The following C2orf49 variants were observed in gnomAD, a reference collection of about 807,000 sequenced individuals.
The protein encoded by C2orf49 is tRNA-splicing ligase complex subunit ASW.
C2orf49 carries 11 observed loss-of-function variants against 20.6 expected under a neutral mutation model. The observed-to-expected ratio is 0.53, with a 90% CI of 0.34 to 0.88. The LOEUF (loss-of-function observed/expected upper bound fraction) is 0.88, where lower values mean the gene tolerates loss of function less well. Among genes scored for constraint, C2orf49 ranks in the 40% least tolerant of loss-of-function variants. C2orf49 has a pLI of 0.02. For synonymous variants in C2orf49, 134 were observed against 108.5 expected (o/e 1.24, Z -1.46); for missense variants, 289 against 274.2 (o/e 1.05, Z -0.38).
the C2orf49 span, among the ~76,000 whole-genome samples, chr2:105,366,944 T>A: frequency 8.8e-3 from 1,333 of 152,154 alleles, 18 homozygotes; most frequent in African/African-American, 0.03. Context: ...TGGAGTTTCA[T>A]CATGTTGCCC....
At chr2:105,368,980 A>T in the C2orf49 span, among the ~76,000 whole-genome samples, 1 of 152,214 alleles carries the variant, frequency 6.6e-6, no homozygotes, top group African/African-American at 2.4e-5. Context: ...CATTGTTTAC[A>T]TCCGCTTTTA....
At chr2:105,344,064 T>C (rs1480161483) in intron 3 of C2orf49, among the ~76,000 whole-genome samples, 5 of 152,204 alleles carry the variant, frequency 3.3e-5, no homozygotes, top group Non-Finnish European at 7.3e-5. Flanking sequence ...AGTTTTTTAC[T>C]TTTATTAGTT....
the C2orf49 span, chr2:105,361,464 G>A: frequency 6.3e-7 from 1 of 1,598,682 alleles, no homozygotes; most frequent in South Asian, 1.1e-5. Flanking sequence ...AATACCGGAT[G>A]AAGAAAGTTA....
At position 105,337,669 on chromosome 2, in the gene C2orf49, C is replaced by G. The variant is rs991080602; in HGVS notation, c.82C>G (p.Leu28Val). The G allele has an allele frequency of 7.0e-7, 1 of 1,418,924 alleles. No homozygotes were observed. Among genetic ancestry groups the G allele is most frequent in the Admixed American group, 1.9e-5 (1 of 52,948 alleles). The allele number at this position is 1,418,924 out of a possible 1,614,324, so 87.9% of individuals were successfully genotyped here. The change falls in exon 1 of 4, where the codon CTC becomes GTC. Residue 28 changes from leucine to valine, a missense_variant. Leu to Val is a conservative substitution (Grantham distance 32, BLOSUM62 1). Coordinates refer to ENST00000258457, the MANE Select transcript of C2orf49 (RefSeq NM_024093.3). ...HPELLSQEFLLLTLEQKNIAV... is the reference protein window; with the variant it reads ...HPELLSQEFLVLTLEQKNIAV... Reference sequence around the variant, plus strand: ...GGAGCTGCTGTCCCAGGAGTTCCTTCTCCTCACTCTGGAGCAGGTTGGGCG... The same window carrying G: ...GGAGCTGCTGTCCCAGGAGTTCCTTGTCCTCACTCTGGAGCAGGTTGGGCG...
At chr2:105,361,109 A>T in the C2orf49 span, 1 of 576,068 alleles carries the variant, frequency 1.7e-6, no homozygotes, top group Non-Finnish European at 2.9e-6. Context: ...TTTCCCTGGG[A>T]CTGAACTATC....
At position 105,342,901 on chromosome 2, in the gene C2orf49, G is replaced by A; in HGVS notation, c.320G>A (p.Ser107Asn). The part of the protein sequence containing the change: ...RKRPLIVFDG[S>N]STSTSIKVKK... ...AGACCCCTCATCGTATTTGATGGAA[G>A]TTCAACAAGTACAAGCATAAAAGTG... Residue 107 changes from serine to asparagine, a missense_variant, in exon 3 of 4, where the codon AGT becomes AAT. Physicochemically the swap from Ser to Asn is conservative, Grantham distance 46. Transcript: ENST00000258457. The A allele has an allele frequency of 6.2e-7, 1 of 1,614,156 alleles. No individual in the cohort carries two copies. The highest frequency in any genetic ancestry group is 1.1e-5 in the South Asian group (1 of 91,088).
rs781045521 is a variant in C2orf49 at position 105,343,051 on chromosome 2, A to G, written c.470A>G (p.Asn157Ser). 40 of 1,614,104 alleles carry G rather than the reference A, an allele frequency of 2.5e-5. 1 individual carries two copies. The highest frequency in any genetic ancestry group is 2.2e-5 in the East Asian group (1 of 44,896). ...SSVSPLILSSNLPVNNKTEHN... is the reference protein window; with the variant it reads ...SSVSPLILSSSLPVNNKTEHN... Reference sequence around the variant, plus strand: ...GTTTCACCCCTAATTTTGTCTTCCAATTTGCCTGTGAACAATAAAACGGAA... The same window carrying G: ...GTTTCACCCCTAATTTTGTCTTCCAGTTTGCCTGTGAACAATAAAACGGAA... The change falls in exon 3 of 4, where the codon AAT (asparagine) becomes AGT (serine). Residue 157 changes from asparagine to serine, a missense_variant. Asn to Ser is a conservative substitution (Grantham distance 46). Coordinates refer to ENST00000258457, the MANE Select transcript of C2orf49 (RefSeq NM_024093.3).
chr2:105,343,354 T>C (rs776205293), intron 3 of C2orf49, 131 bp downstream of exon 3: 8 of 802,588 alleles, frequency 1.0e-5, no homozygotes, highest in African/African-American at 1.7e-5. Context: ...GTCTGATTTG[T>C]ATAATACAAC....
Position 105,339,641 on chromosome 2 carries a change from A to G in C2orf49, c.158A>G (p.Tyr53Cys). ...RVNKDSLTDL[Y>C]VQHAIPLPQR... is the part of the protein sequence containing the mutation. ...AACAAAGACAGTCTTACTGACCTTT[A>G]TGTCCAACATGCAATACCATTGCCT... is the stretch of plus-strand genomic sequence containing the variant. The change falls in exon 2 of 4, where the codon TAT becomes TGT. Residue 53 changes from tyrosine (Y) to cysteine (C), a missense_variant. Physicochemically the swap from Tyr to Cys is radical, Grantham distance 194 (BLOSUM62 -2). Coordinates refer to ENST00000258457, the MANE Select transcript of C2orf49 (RefSeq NM_024093.3). The G allele has an allele frequency of 1.2e-6, 2 of 1,608,534 alleles. No homozygotes were observed. Among genetic ancestry groups the G allele is most frequent in the Non-Finnish European group, 1.7e-6 (2 of 1,178,930 alleles).
At chr2:105,344,841 C>A (rs773552577) in intron 3 of C2orf49, among the ~76,000 whole-genome samples, 9 of 151,966 alleles carry the variant, frequency 5.9e-5, no homozygotes, top group Admixed American at 2.6e-4. Context: ...CCACCTGACT[C>A]GGCTGGGATT....
chr2:105,377,859 T>G, the C2orf49 span: 1 of 360,948 alleles, frequency 2.8e-6, no homozygotes, highest in South Asian at 2.1e-5. Flanking sequence ...GGCCTCTCTC[T>G]GGGAAGATAG....
chr2:105,338,876 CA>C (rs1486483357), intron 1 of C2orf49, among the ~76,000 whole-genome samples: 2 of 152,168 alleles, frequency 1.3e-5, no homozygotes, highest in Non-Finnish European at 2.9e-5. Context: ...ACTCTGTCTT[CA>C]TGACTACTCC....
At chr2:105,384,744 T>C in the C2orf49 span, among the ~76,000 whole-genome samples, 7 of 152,332 alleles carry the variant, frequency 4.6e-5, no homozygotes, top group South Asian at 6.2e-4. Context: ...CCGGCCTCAA[T>C]TGATTCACCC....
At chr2:105,370,215 C>CA in the C2orf49 span, among the ~76,000 whole-genome samples, 40 of 149,726 alleles carry the variant, frequency 2.7e-4, no homozygotes, top group African/African-American at 5.4e-4. Flanking sequence ...TCTACCCCCC[C>CA]AAAAAAAAAA....
the C2orf49 span, chr2:105,378,376 C>T: frequency 2.8e-6 from 1 of 352,432 alleles, no homozygotes; most frequent in South Asian, 2.2e-5. Flanking sequence ...CTATCGGATC[C>T]CACCTCGCAA....
chr2:105,337,713 G>C (rs762552966), intron 1 of C2orf49, 27 bp downstream of exon 1: 1 of 354,064 alleles, frequency 2.8e-6, no homozygotes, highest in South Asian at 2.1e-5. Flanking sequence ...CGGAGGGTGG[G>C]CGGGTGGGCC....
the C2orf49 span, among the ~76,000 whole-genome samples, chr2:105,354,523 A>AG: frequency 6.6e-6 from 1 of 152,130 alleles, no homozygotes; most frequent in Non-Finnish European, 1.5e-5. Context: ...AAGGTCAGCC[A>AG]GGAATGGTAG....
downstream of C2orf49, among the ~76,000 whole-genome samples, chr2:105,350,600 CTTT>C (rs897660988): frequency 6.6e-6 from 1 of 152,182 alleles, no homozygotes; most frequent in African/African-American, 2.4e-5. Context: ...AAACTTACTT[CTTT>C]GACTAACAAA....
In C2orf49 at chr2:105,345,660, C is replaced by A; in HGVS notation, c.*289C>A. ...ACTGAAATTATTAGCTACAAATGTG[C>A]TATAAAGCATCCATTGAATTGGCCA... On this transcript the variant is annotated 3_prime_UTR_variant, in exon 4 of 4. Transcript: ENST00000258457. The A allele has an allele frequency of 2.8e-6, 1 of 352,020 alleles. No homozygotes were observed. Among genetic ancestry groups the A allele is most frequent in the Non-Finnish European group, 5.1e-6 (1 of 194,542 alleles). 21.8% of individuals were successfully genotyped at this position (352,020 alleles called of 1,614,324 possible).
Sources: gnomAD v4.1 joint callset for allele counts (sites outside exome capture counted in the v4.1 genomes callset) on GRCh38, gnomAD v4.1.1 for gene constraint, MANE v1.5 for transcripts, NCBI Gene and HGNC (gene_info 2026-07-23, HGNC 2026-07-21) for gene names.